Variants in HAPLN4 observed in about 807,000 individuals in gnomAD.
HAPLN4 encodes hyaluronan and proteoglycan link protein 4, also known as brain link protein 2.
A neutral mutation model predicts 28.0 loss-of-function variants in HAPLN4; 19 were observed. The ratio of observed to expected loss-of-function variants is 0.68; its 90% CI spans 0.47 to 1.00. HAPLN4 has a LOEUF of 1.00. HAPLN4 is among the 50% of genes least tolerant of loss of function. The pLI, the probability that HAPLN4 is intolerant of heterozygous loss-of-function variation, is 0.00. For synonymous variants in HAPLN4, 274 were observed against 273.0 expected (o/e 1.00, Z -0.03); for missense variants, 587 against 602.6 (o/e 0.97, Z 0.27).
At chr19:19,259,804 A>G (rs1001890532) in intron 3 of HAPLN4, among the ~76,000 whole-genome samples, 23 of 152,178 alleles carry the variant, frequency 1.5e-4, no homozygotes, top group African/African-American at 5.1e-4. Context: ...AGAATCTTCT[A>G]AAGAGAACTG....
At position 19,255,569 on chromosome 19, in the gene HAPLN4, C is replaced by T. The variant is rs1325761269; in HGVS notation, c.*2248G>A. The T allele has an allele frequency of 1.3e-5, 2 of 152,086 alleles. No homozygotes were observed. The highest frequency in any genetic ancestry group is 2.9e-5 in the Non-Finnish European group (2 of 68,034). 9.4% of individuals were successfully genotyped at this position (152,086 alleles called of 1,614,324 possible). A position where few individuals can be genotyped will look rare whatever the true frequency, so the allele number is the denominator to read the frequency against. ...CAAAAAAACAAAACAAAAAAAACCC[C>T]AAGCCCCCCAAGCTTGTAACATCTT... is the stretch of plus-strand genomic sequence containing the variant. On this transcript the variant is annotated 3_prime_UTR_variant, in exon 5 of 5. Coordinates refer to ENST00000291481, the MANE Select transcript of HAPLN4 (RefSeq NM_023002.3).
At chr19:19,261,823 C>T in intron 1 of HAPLN4, 1 of 414,782 alleles carries the variant, frequency 2.4e-6, no homozygotes, top group Non-Finnish European at 4.2e-6. Context: ...CCCCAAAACC[C>T]GAGGCTCGCT....
chr19:19,262,293 C>G (rs1440277403), intron 1 of HAPLN4, among the ~76,000 whole-genome samples: 2 of 132,266 alleles, frequency 1.5e-5, no homozygotes, highest in Non-Finnish European at 3.2e-5. Context: ...GAGGAAGAGA[C>G]AGAGATGGAG....
intron 2 of HAPLN4, 36 bp downstream of exon 2, chr19:19,261,410 T>C (rs1213125129): frequency 1.3e-6 from 2 of 1,568,136 alleles, no homozygotes; most frequent in South Asian, 1.1e-5. Context: ...CTTCTGCTTT[T>C]CGCGGAGAAG....
chr19:19,258,014 G>A lies in HAPLN4; in HGVS notation c.1012C>T (p.Arg338Cys), dbSNP rs2060971345. ...ARYPIVNPRA[R>C]CGGRRPGVRS... Reference sequence around the variant, plus strand: ...ACACCAGGCCTGCGGCCTCCGCAGCGCGCTCGCGGGTTCACGATGGGGTAG... The same window carrying A: ...ACACCAGGCCTGCGGCCTCCGCAGCACGCTCGCGGGTTCACGATGGGGTAG... The change falls in exon 5 of 5, where the codon CGC (arginine) becomes TGC (cysteine). Residue 338 changes from arginine (R) to cysteine (C), a missense_variant. Arg to Cys is a radical substitution (Grantham distance 180). Transcript: ENST00000291481. The surrounding 1 kb of genome is among the most constrained non-coding windows in gnomAD (Gnocchi z 6.2). 3.9e-6 allele frequency: 6 copies of A among 1,520,326 alleles called. No homozygotes were observed. Among genetic ancestry groups the A allele is most frequent in the Non-Finnish European group, 5.3e-6 (6 of 1,139,570 alleles). 94.2% of individuals were successfully genotyped at this position (1,520,326 alleles called of 1,614,324 possible).
Position 19,258,117 on chromosome 19 carries a change from C to A in HAPLN4, c.909G>T (p.Val303=). Residue 303 remains valine (V), a synonymous_variant, in exon 5 of 5, where the codon GTG becomes GTT. Coordinates refer to ENST00000291481, the MANE Select transcript of HAPLN4 (RefSeq NM_023002.3). This position sits in a 1 kb window ranked among gnomAD's most constrained non-coding sequence, Gnocchi z 6.2. Reference sequence around the variant, plus strand: ...GCTTCCACGCGGCGAACAGCTGCCCCACCTTGGCCACGGCCGCGCCACGCG... The same window carrying A: ...GCTTCCACGCGGCGAACAGCTGCCCAACCTTGGCCACGGCCGCGCCACGCG... ...CAARGAAVAK[V]GQLFAAWKLQ... 1 of 1,550,432 alleles carries A rather than the reference C, an allele frequency of 6.4e-7. No individual in the cohort carries two copies. Among genetic ancestry groups the A allele is most frequent in the East Asian group, 2.4e-5 (1 of 42,226 alleles).
At position 19,262,745 on chromosome 19, in the gene HAPLN4, GC is replaced by G; in HGVS notation, c.-14del. On this transcript the variant is annotated 5_prime_UTR_variant, in exon 1 of 5. Transcript: ENST00000291481. ...CCCCACTTACCATCTTGCCCGCGCG[GC>G]CCCCGCCGAGCGGCCCCTACGCACC... The G allele has an allele frequency of 6.2e-7, 1 of 1,607,796 alleles. No individual in the cohort carries two copies. The highest frequency in any genetic ancestry group is 8.5e-7 in the Non-Finnish European group (1 of 1,176,576).
chr19:19,257,909 C>T lies in HAPLN4; in HGVS notation c.1117G>A (p.Ala373Thr). The change falls in exon 5 of 5, where the codon GCA (alanine) becomes ACA (threonine). Residue 373 changes from alanine (A) to threonine (T), a missense_variant. By Grantham distance (58) the Ala-to-Thr change is moderately conservative (BLOSUM62 0). Coordinates refer to ENST00000291481, the MANE Select transcript of HAPLN4 (RefSeq NM_023002.3). ...CAGCCCCAGCCCCAGCCGCCAGGTG[C>T]CGGGTCCGGTGCTCCTGGAGCGCGG... Reference protein sequence around the residue: ...CYRAPGAPDPAPGGWGWGWAG... With the variant: ...CYRAPGAPDPTPGGWGWGWAG... 1 of 1,500,090 alleles carries T rather than the reference C, an allele frequency of 6.7e-7. No individual in the cohort carries two copies. Among genetic ancestry groups the T allele is most frequent in the Non-Finnish European group, 8.8e-7 (1 of 1,131,560 alleles). 92.9% of individuals were successfully genotyped at this position (1,500,090 alleles called of 1,614,324 possible).
chr19:19,257,524 G>T lies in HAPLN4; in HGVS notation c.*293C>A. On this transcript the variant is annotated 3_prime_UTR_variant, in exon 5 of 5. Transcript: ENST00000291481. ...GTGGCCAGTCTTCAGGAGCCTGCGG[G>T]TTCTGCTGGCCTCCTGAGGTCCTCA... is the stretch of plus-strand genomic sequence containing the variant. 3.0e-6 allele frequency: 1 copy of T among 334,550 alleles called. No individual in the cohort carries two copies. The highest frequency in any genetic ancestry group is 5.4e-6 in the Non-Finnish European group (1 of 186,040). 20.7% of individuals were successfully genotyped at this position (334,550 alleles called of 1,614,324 possible).
chr19:19,259,735 ATTG>A (rs2060977274), intron 3 of HAPLN4, among the ~76,000 whole-genome samples: 1 of 152,142 alleles, frequency 6.6e-6, no homozygotes, highest in African/African-American at 2.4e-5. Flanking sequence ...TGCTGCTATT[ATTG>A]TTGTTATTTG....
In HAPLN4 at chr19:19,257,743, C is replaced by T; in HGVS notation, c.*74G>A. On this transcript the variant is annotated 3_prime_UTR_variant, in exon 5 of 5. Transcript: ENST00000291481. ...TGGCCAGTGTCCAGGGCTTCAAGGGCGTGGCCAGGCTCCAGGGGACCACAG... is the reference window on the plus strand; with the variant it reads ...TGGCCAGTGTCCAGGGCTTCAAGGGTGTGGCCAGGCTCCAGGGGACCACAG... 2 of 1,359,324 alleles carry T rather than the reference C, an allele frequency of 1.5e-6. No homozygotes were observed. The highest frequency in any genetic ancestry group is 2.8e-5 in the East Asian group (1 of 35,326). 84.2% of individuals were successfully genotyped at this position (1,359,324 alleles called of 1,614,324 possible).
At chr19:19,261,218 A>T in intron 2 of HAPLN4, 43 bp from the exon 3 acceptor site, 1 of 1,557,404 alleles carries the variant, frequency 6.4e-7, no homozygotes, top group Non-Finnish European at 8.7e-7. Context: ...GCCTAGGGGC[A>T]GAAGGGGGCC....
chr19:19,258,664 G>T lies in HAPLN4; in HGVS notation c.676C>A (p.Pro226Thr), dbSNP rs747431073. The change falls in exon 4 of 5, where the codon CCC becomes ACC. Residue 226 changes from proline (P) to threonine (T), a missense_variant. Coordinates refer to ENST00000291481, the MANE Select transcript of HAPLN4 (RefSeq NM_023002.3). The surrounding 1 kb of genome is among the most constrained non-coding windows in gnomAD (Gnocchi z 6.2). ...DGSVQYPVNR[P>T]REPCGGLGGT... ...CCCAGGCCGCCGCAGGGCTCCCGGG[G>T]CCGGTTCACGGGGTATTGCACTGAG... 4 of 1,610,184 alleles carry T rather than the reference G, an allele frequency of 2.5e-6. No individual in the cohort carries two copies. The highest frequency in any genetic ancestry group is 2.2e-5 in the East Asian group (1 of 44,810).
chr19:19,258,601 C>G lies in HAPLN4; in HGVS notation c.739G>C (p.Gly247Arg). 6.2e-7 allele frequency: 1 copy of G among 1,613,578 alleles called. No individual in the cohort carries two copies. The highest frequency in any genetic ancestry group is 8.5e-7 in the Non-Finnish European group (1 of 1,179,830). Residue 247 changes from glycine (G) to arginine (R), a missense_variant, in exon 4 of 5, where the codon GGG (glycine) becomes CGG (arginine). By Grantham distance (125) the Gly-to-Arg change is moderately radical. Transcript: ENST00000291481. The surrounding 1 kb of genome is among the most constrained non-coding windows in gnomAD (Gnocchi z 6.2). The stretch of plus-strand genomic sequence containing the variant: ...CGATACCCGTAGTTGCGCAGGCCCC[C>G]GTTGGCATCACCGCCGCCCCCTGCA... ...GSAGGGGDAN[G>R]GLRNYGYRHN...
chr19:19,259,015 T>A (rs2060975587), intron 3 of HAPLN4, among the ~76,000 whole-genome samples, 160 bp from the exon 4 acceptor site: 1 of 152,158 alleles, frequency 6.6e-6, no homozygotes. Flanking sequence ...ACACCCCATA[T>A]AGCTGTCTCC....
chr19:19,256,593 A>C lies in HAPLN4; in HGVS notation c.*1224T>G, dbSNP rs2060966364. On this transcript the variant is annotated 3_prime_UTR_variant, in exon 5 of 5. Coordinates refer to ENST00000291481, the MANE Select transcript of HAPLN4 (RefSeq NM_023002.3). ...CACCATGGCAACAGTGGTGGGGTCC[A>C]AACCGCCTGGGGGTGGAGCATGGAG... 6.5e-6 allele frequency: 1 copy of C among 152,690 alleles called. No individual in the cohort carries two copies. Among genetic ancestry groups the C allele is most frequent in the Non-Finnish European group, 1.5e-5 (1 of 68,132 alleles). The allele number at this position is 152,690 out of a possible 1,614,324, so 9.5% of individuals were successfully genotyped here. A position where few individuals can be genotyped will look rare whatever the true frequency, so the allele number is the denominator to read the frequency against.
At chr19:19,261,207 G>A (rs751989268) in intron 2 of HAPLN4, 32 bp from the exon 3 acceptor site, 3 of 1,568,922 alleles carry the variant, frequency 1.9e-6, no homozygotes, top group East Asian at 4.5e-5. Flanking sequence ...TCAGAGGAGG[G>A]GCCTAGGGGC....
chr19:19,261,309 G>T, intron 2 of HAPLN4, 134 bp from the exon 3 acceptor site: 1 of 1,257,290 alleles, frequency 8.0e-7, no homozygotes. Context: ...CAGGGGCTCA[G>T]GGAGAGGGCG....
Position 19,258,109 on chromosome 19 carries a change from A to G in HAPLN4, c.917T>C (p.Leu306Pro). 1 of 1,551,304 alleles carries G rather than the reference A, an allele frequency of 6.4e-7. No individual in the cohort carries two copies. Among genetic ancestry groups the G allele is most frequent in the Non-Finnish European group, 8.7e-7 (1 of 1,155,430 alleles). ...CAGCTGCAGCTTCCACGCGGCGAAC[A>G]GCTGCCCCACCTTGGCCACGGCCGC... is the stretch of plus-strand genomic sequence containing the variant. ...RGAAVAKVGQ[L>P]FAAWKLQLLD... The change falls in exon 5 of 5, where the codon CTG becomes CCG. Residue 306 changes from leucine (L) to proline (P), a missense_variant. Transcript: ENST00000291481. The surrounding 1 kb of genome is among the most constrained non-coding windows in gnomAD (Gnocchi z 6.2).
Sources: allele counts gnomAD v4.1 joint callset (sites outside exome capture counted in the v4.1 genomes callset), GRCh38; gene constraint gnomAD v4.1.1; non-coding constraint Gnocchi (gnomAD v3.1); transcripts MANE v1.5; gene names NCBI Gene and HGNC (gene_info 2026-07-23, HGNC 2026-07-21).